HEMK2: variants seen among roughly 807,000 people sequenced by gnomAD.
HEMK2 encodes HemK methyltransferase 2, ETF1 glutamine and histone H4 lysine, also known as methyltransferase HEMK2.
At chr21:28,820,219 A>G in the HEMK2 span, among the ~76,000 whole-genome samples, 12 of 152,164 alleles carry the variant, frequency 7.9e-5, no homozygotes, top group African/African-American at 2.9e-4. Context: ...CTACATAAAG[A>G]CCAGAGAGAC....
At chr21:28,816,906 TAG>T in the HEMK2 span, among the ~76,000 whole-genome samples, 1 of 152,106 alleles carries the variant, frequency 6.6e-6, no homozygotes, top group Non-Finnish European at 1.5e-5. Flanking sequence ...GATGATAACT[TAG>T]AAGTCACTGA....
the HEMK2 span, among the ~76,000 whole-genome samples, chr21:28,624,055 T>C: frequency 4.6e-5 from 7 of 152,118 alleles, no homozygotes; most frequent in Admixed American, 2.0e-4. Flanking sequence ...AAGGAAAAAC[T>C]AGAAGGCTGT....
chr21:28,616,000 A>G, the HEMK2 span, among the ~76,000 whole-genome samples: 1 of 152,210 alleles, frequency 6.6e-6, no homozygotes, highest in African/African-American at 2.4e-5. Context: ...TTTAAAGTAC[A>G]AATAATGGCA....
chr21:28,629,772 C>T, the HEMK2 span, among the ~76,000 whole-genome samples: 2 of 152,156 alleles, frequency 1.3e-5, no homozygotes, highest in African/African-American at 4.8e-5. Flanking sequence ...TCCATAGAGA[C>T]ATAACCTACC....
the HEMK2 span, among the ~76,000 whole-genome samples, chr21:28,783,855 C>T: frequency 2.2e-4 from 33 of 152,328 alleles, no homozygotes; most frequent in East Asian, 5.2e-3. Context: ...TCGGAGCGGC[C>T]GGCCGGCACC....
the HEMK2 span, among the ~76,000 whole-genome samples, chr21:28,785,722 G>C: frequency 7.3e-4 from 111 of 152,232 alleles, no homozygotes; most frequent in African/African-American, 2.5e-3. Flanking sequence ...CATAGCCCCA[G>C]CCGACACTCA....
At chr21:28,647,451 T>C in the HEMK2 span, among the ~76,000 whole-genome samples, 7 of 139,328 alleles carry the variant, frequency 5.0e-5, no homozygotes, top group East Asian at 8.4e-4. Context: ...GAGGTTGCAG[T>C]GAGCTGAGAT....
the HEMK2 span, among the ~76,000 whole-genome samples, chr21:28,798,738 A>G: frequency 6.6e-6 from 1 of 152,220 alleles, no homozygotes; most frequent in Non-Finnish European, 1.5e-5. Flanking sequence ...CACTAGTAGT[A>G]GAAGCTGTAG....
At chr21:28,665,669 T>A in the HEMK2 span, among the ~76,000 whole-genome samples, 1 of 151,396 alleles carries the variant, frequency 6.6e-6, no homozygotes, top group Non-Finnish European at 1.5e-5. Flanking sequence ...ATTGTGGAAG[T>A]CGGTGTGGCG....
the HEMK2 span, among the ~76,000 whole-genome samples, chr21:28,735,808 G>A: frequency 6.6e-6 from 1 of 152,170 alleles, no homozygotes; most frequent in Non-Finnish European, 1.5e-5. Flanking sequence ...GGTTATATCT[G>A]CAAAATCTCT....
the HEMK2 span, among the ~76,000 whole-genome samples, chr21:28,685,632 T>C: frequency 6.6e-6 from 1 of 152,098 alleles, no homozygotes; most frequent in Non-Finnish European, 1.5e-5. Context: ...GTGTCAAGAA[T>C]AAACAAAGCC....
the HEMK2 span, among the ~76,000 whole-genome samples, chr21:28,763,553 A>G: frequency 6.6e-6 from 1 of 152,092 alleles, no homozygotes; most frequent in Non-Finnish European, 1.5e-5. Context: ...ACATTTCAAC[A>G]TGAGATTTGG....
chr21:28,645,030 G>A, the HEMK2 span, among the ~76,000 whole-genome samples: 2 of 152,158 alleles, frequency 1.3e-5, no homozygotes, highest in African/African-American at 4.8e-5. Flanking sequence ...GCCCTCATCA[G>A]GGAAACTACA....
the HEMK2 span, among the ~76,000 whole-genome samples, chr21:28,831,134 G>C: frequency 6.6e-6 from 1 of 151,854 alleles, no homozygotes; most frequent in Non-Finnish European, 1.5e-5. Flanking sequence ...GAAACTTAGT[G>C]ATTAAAACTC....
the HEMK2 span, among the ~76,000 whole-genome samples, chr21:28,838,972 A>AAAAAAAAATATATATATAT: frequency 3.4e-5 from 1 of 29,162 alleles, no homozygotes; most frequent in Non-Finnish European, 5.6e-5. Flanking sequence ...AAAAAAAAAA[A>AAAAAAAAATATATATATAT]ATATATATAT....
the HEMK2 span, among the ~76,000 whole-genome samples, chr21:28,797,985 A>T: frequency 1.2e-4 from 18 of 152,262 alleles, no homozygotes; most frequent in South Asian, 3.7e-3. Context: ...ATGCTCCATG[A>T]GTTTTCAATC....
At chr21:28,729,955 T>A in the HEMK2 span, among the ~76,000 whole-genome samples, 1 of 152,174 alleles carries the variant, frequency 6.6e-6, no homozygotes, top group Admixed American at 6.5e-5. Context: ...ATAGGGAAGG[T>A]CAGAGTATCC....
chr21:28,831,459 G>GAAAGAAAAGAAAAGA, the HEMK2 span, among the ~76,000 whole-genome samples: 307 of 30,950 alleles, frequency 9.9e-3, 11 homozygotes, highest in Admixed American at 0.015. Flanking sequence ...AGAAAGAAAA[G>GAAAGAAAAGAAAAGA]AACGAAAGAA....
At chr21:28,771,386 A>C in the HEMK2 span, among the ~76,000 whole-genome samples, 2 of 152,116 alleles carry the variant, frequency 1.3e-5, no homozygotes, top group East Asian at 3.9e-4. Context: ...TCACTCTCCC[A>C]CCACCCTGAC....
Sources: gnomAD v4.1 joint callset for allele counts (sites outside exome capture counted in the v4.1 genomes callset) on GRCh38, gnomAD v4.1.1 for gene constraint, MANE v1.5 for transcripts, NCBI Gene and HGNC (gene_info 2026-07-23, HGNC 2026-07-21) for gene names.